CCDC3: variants seen among roughly 807,000 people sequenced by gnomAD.
CCDC3 encodes the protein coiled-coil domain-containing protein 3.
In CCDC3, 24 loss-of-function variants were observed where a neutral mutation model predicts 21.4. The observed-to-expected ratio is 1.12, with a 90% CI of 0.81 to 1.58. The LOEUF is 1.58. CCDC3 is among the 40% of genes most tolerant of loss of function. The probability of loss-of-function intolerance (pLI) is 0.00; values close to 1 mark genes in which losing one functional copy is unlikely to be tolerated. For missense variants in CCDC3, 425 were observed against 360.9 expected, an observed-to-expected ratio of 1.18 and a Z score of -1.44; for synonymous variants, 186 against 166.0, an observed-to-expected ratio of 1.12 and a Z score of -0.93.
intron 2 of CCDC3, among the ~76,000 whole-genome samples, chr10:12,985,114 A>T (rs902193141): frequency 2.0e-5 from 3 of 152,170 alleles, no homozygotes; most frequent in Non-Finnish European, 2.9e-5. Context: ...GATTTTTTTT[A>T]AATTATGGTA....
chr10:13,018,529 AG>A (rs1348161305), intron 5 of CCDC3, among the ~76,000 whole-genome samples: 2 of 152,172 alleles, frequency 1.3e-5, no homozygotes, highest in Non-Finnish European at 2.9e-5. Context: ...CAAGCTGCAC[AG>A]GGGACTTAAA....
chr10:13,029,108 G>A (rs1027319358), intron 5 of CCDC3, among the ~76,000 whole-genome samples: 1 of 152,132 alleles, frequency 6.6e-6, no homozygotes, highest in African/African-American at 2.4e-5. Context: ...TTGGCAATGT[G>A]CTCCTGCTGT....
chr10:12,951,633 G>A (rs1395871758), intron 2 of CCDC3, among the ~76,000 whole-genome samples: 3 of 151,700 alleles, frequency 2.0e-5, no homozygotes, highest in Non-Finnish European at 2.9e-5. Context: ...GTGAAACCCC[G>A]TCTCTAACTA....
intron 3 of CCDC3, among the ~76,000 whole-genome samples, chr10:13,082,556 C>T (rs1837055699): frequency 6.6e-6 from 1 of 152,186 alleles, no homozygotes; most frequent in Non-Finnish European, 1.5e-5. Flanking sequence ...GGTGGTGGAG[C>T]AGAGTCTTCT....
At chr10:12,951,203 C>T (rs1358757621) in intron 2 of CCDC3, among the ~76,000 whole-genome samples, 1 of 152,004 alleles carries the variant, frequency 6.6e-6, no homozygotes, top group Non-Finnish European at 1.5e-5. Context: ...AGACTCTCAT[C>T]TCTACAAAAA....
intron 5 of CCDC3, among the ~76,000 whole-genome samples, chr10:13,042,924 A>AG (rs1387356991): frequency 6.1e-5 from 9 of 148,544 alleles, no homozygotes; most frequent in Non-Finnish European, 1.0e-4. Flanking sequence ...AAAAAAAAAA[A>AG]AAAGAAAAGA....
At chr10:12,925,242 G>C (rs1834517405) in intron 2 of CCDC3, among the ~76,000 whole-genome samples, 1 of 152,064 alleles carries the variant, frequency 6.6e-6, no homozygotes, top group African/African-American at 2.4e-5. Flanking sequence ...TATGAAGGAG[G>C]GGTGCTGAGA....
intron 2 of CCDC3, among the ~76,000 whole-genome samples, chr10:12,915,649 T>C (rs955092032): frequency 3.3e-5 from 5 of 152,198 alleles, no homozygotes; most frequent in Non-Finnish European, 7.3e-5. Context: ...GTCCAGAGAT[T>C]CTGGGCAGGC....
intron 4 of CCDC3, among the ~76,000 whole-genome samples, chr10:13,053,981 C>A (rs1446917012): frequency 6.6e-6 from 1 of 151,970 alleles, no homozygotes; most frequent in African/African-American, 2.4e-5. Flanking sequence ...CCCATCTCTA[C>A]TAAAAAATAC....
At chr10:13,043,682 A>G (rs2131420107) in intron 5 of CCDC3, among the ~76,000 whole-genome samples, 1 of 152,326 alleles carries the variant, frequency 6.6e-6, no homozygotes, top group East Asian at 1.9e-4. Flanking sequence ...AAAGGACATG[A>G]TTTCATTCTT....
intron 2 of CCDC3, among the ~76,000 whole-genome samples, chr10:12,946,953 T>C (rs535200560): frequency 9.9e-5 from 15 of 152,252 alleles, no homozygotes; most frequent in East Asian, 7.7e-4. Flanking sequence ...CAAGAAGAAA[T>C]AGAAAACCGA....
At position 12,968,508 on chromosome 10, in the gene CCDC3, G is replaced by A. The variant is rs572582326; in HGVS notation, c.549+29830C>T. 2.6e-5 allele frequency among the ~76,000 whole-genome samples: 4 copies of A among 152,314 alleles called. No individual in the cohort carries two copies. The East Asian group carries it at 7.7e-4, about 29-fold the overall frequency. On this transcript the variant is annotated intron_variant, in intron 2 of 2. Transcript: ENST00000378825. ...TTAAAGAGAGTTCTTCAAGCTGAAAGAAGATGCTAATGGGTAACAGGAAAA... is the reference window on the plus strand; with the variant it reads ...TTAAAGAGAGTTCTTCAAGCTGAAAAAAGATGCTAATGGGTAACAGGAAAA...
In CCDC3 at chr10:12,944,841, G is replaced by C. The variant is rs74118931; in HGVS notation, c.550-46162C>G. Among the ~76,000 whole-genome samples, 1,491 of 152,266 alleles carry C rather than the reference G, an allele frequency of 9.8e-3. 26 individuals are homozygous for C. Among genetic ancestry groups the C allele is most frequent in the African/African-American group, 0.034 (1,416 of 41,528 alleles). On this transcript the variant is annotated intron_variant, in intron 2 of 2. Coordinates refer to ENST00000378825, the MANE Select transcript of CCDC3 (RefSeq NM_031455.4). ...TGTCTCATTGTCATGAGCAATCCAA[G>C]TATAATTGTTAAGAACAATGAATTA...
At chr10:13,079,308 C>A (rs7096276) in intron 3 of CCDC3, among the ~76,000 whole-genome samples, 4,807 of 152,112 alleles carry the variant, frequency 0.032, 239 homozygotes, top group African/African-American at 0.11. Context: ...CGAGACCCAC[C>A]TGGTGTGATG....
intron 2 of CCDC3, among the ~76,000 whole-genome samples, chr10:12,936,026 TGACA>T (rs1294487553): frequency 9.2e-5 from 14 of 152,234 alleles, no homozygotes; most frequent in African/African-American, 2.7e-4. Context: ...TCAATGAAGA[TGACA>T]GACATTGTAT....
chr10:13,090,055 A>C (rs1165919147), intron 3 of CCDC3, among the ~76,000 whole-genome samples: 1 of 134,638 alleles, frequency 7.4e-6, no homozygotes, highest in Non-Finnish European at 1.5e-5. Context: ...ATATATATAT[A>C]TATATATATA....
intron 2 of CCDC3, among the ~76,000 whole-genome samples, chr10:12,937,236 T>C (rs866561748): frequency 1.2e-4 from 19 of 152,232 alleles, no homozygotes; most frequent in Middle Eastern, 3.4e-3. Context: ...TGACCCTGTA[T>C]TTTCCCGTTT....
chr10:13,044,488 G>A (rs1443671290), intron 5 of CCDC3, among the ~76,000 whole-genome samples: 3 of 152,096 alleles, frequency 2.0e-5, no homozygotes, highest in African/African-American at 7.2e-5. Context: ...AAGGTCTTAC[G>A]TTTAAATCCT....
intron 2 of CCDC3, among the ~76,000 whole-genome samples, chr10:12,980,457 G>A (rs1221525918): frequency 2.6e-5 from 4 of 152,110 alleles, no homozygotes; most frequent in South Asian, 2.1e-4. Context: ...TAAAACCTCC[G>A]TGCCAGCTGA....
Sources: allele counts gnomAD v4.1 joint callset (sites outside exome capture counted in the v4.1 genomes callset), GRCh38; gene constraint gnomAD v4.1.1; transcripts MANE v1.5; gene names NCBI Gene and HGNC (gene_info 2026-07-23, HGNC 2026-07-21).